Variants in BRINP1 observed in about 807,000 individuals in gnomAD.
BRINP1 encodes the protein BMP/retinoic acid-inducible neural-specific protein 1.
A neutral mutation model predicts 72.9 loss-of-function variants in BRINP1; 17 were observed. The ratio of observed to expected loss-of-function variants is 0.23; its 90% CI spans 0.16 to 0.35. The LOEUF is 0.35. Among genes scored for constraint, BRINP1 ranks in the 10% least tolerant of loss-of-function variants. The pLI is 1.00. For synonymous variants in BRINP1, 418 were observed against 378.5 expected, an observed-to-expected ratio of 1.10 and a Z score of -1.21; for missense variants, 850 against 1,001.6, an observed-to-expected ratio of 0.85 and a Z score of 2.04.
intron 7 of BRINP1, among the ~76,000 whole-genome samples, chr9:119,194,862 T>C (rs776282828): frequency 1.4e-4 from 21 of 152,278 alleles, no homozygotes; most frequent in South Asian, 6.2e-4. Context: ...AGCTATACCA[T>C]ACCTAAACTC....
At chr9:119,294,441 C>T (rs1361413484) in intron 2 of BRINP1, among the ~76,000 whole-genome samples, 2 of 152,066 alleles carry the variant, frequency 1.3e-5, no homozygotes, top group African/African-American at 2.4e-5. Context: ...GCAGGAGAAT[C>T]GCTTGAAGCT....
At position 119,313,260 on chromosome 9, in the gene BRINP1, T is replaced by G. The variant is rs1831087597; in HGVS notation, c.96A>C (p.Gln32His). The G allele has an allele frequency of 1.9e-6, 3 of 1,614,068 alleles. No homozygotes were observed. In the South Asian group the frequency reaches 3.3e-5, roughly 18 times the overall value. ...PSHQEPAGTD[Q>H]HVSKEFDWLI... ...GCCAATCAAATTCCTTGGAGACATG[T>G]TGGTCTGTCCCAGCTGGTTCCTGGT... The change falls in exon 2 of 8, where the codon CAA becomes CAC. Residue 32 changes from glutamine to histidine, a missense_variant. Coordinates refer to ENST00000265922, the MANE Select transcript of BRINP1 (RefSeq NM_014618.3).
At chr9:119,270,296 AG>A (rs1401675239) in intron 2 of BRINP1, among the ~76,000 whole-genome samples, 5 of 152,236 alleles carry the variant, frequency 3.3e-5, no homozygotes, top group Non-Finnish European at 7.3e-5. Flanking sequence ...AGCCATTTGC[AG>A]GGCATTTAGT....
intron 2 of BRINP1, among the ~76,000 whole-genome samples, chr9:119,286,516 G>C (rs1266771778): frequency 1.3e-5 from 2 of 152,216 alleles, no homozygotes; most frequent in Non-Finnish European, 2.9e-5. Flanking sequence ...TTAAAGGCGT[G>C]AGCCACTGCG....
chr9:119,218,550 G>A (rs1830004959), intron 5 of BRINP1, among the ~76,000 whole-genome samples: 1 of 151,962 alleles, frequency 6.6e-6, no homozygotes, highest in Non-Finnish European at 1.5e-5. Context: ...GCCTCACGAG[G>A]CTTCTGAGGT....
At chr9:119,293,992 TATG>T (rs1383581065) in intron 2 of BRINP1, among the ~76,000 whole-genome samples, 1 of 152,160 alleles carries the variant, frequency 6.6e-6, no homozygotes, top group Non-Finnish European at 1.5e-5. Flanking sequence ...TTGCAGATGA[TATG>T]ATGATCATAT....
chr9:119,242,773 A>C (rs1830267676), intron 3 of BRINP1, among the ~76,000 whole-genome samples: 1 of 152,224 alleles, frequency 6.6e-6, no homozygotes. Context: ...GACATGTTTA[A>C]ATAAATTTAG....
intron 3 of BRINP1, among the ~76,000 whole-genome samples, chr9:119,246,770 T>A (rs572986098): frequency 2.8e-4 from 42 of 152,292 alleles, no homozygotes; most frequent in Non-Finnish European, 4.6e-4. Context: ...CATAAGTGAA[T>A]GAATGAAGTG....
At chr9:119,350,744 A>G (rs1399297966) in intron 1 of BRINP1, among the ~76,000 whole-genome samples, 1 of 152,188 alleles carries the variant, frequency 6.6e-6, no homozygotes, top group Non-Finnish European at 1.5e-5. Flanking sequence ...GGCCGGCTCA[A>G]TTCTAACAGT....
In BRINP1 at chr9:119,342,556, T is replaced by C. The variant is rs535198555; in HGVS notation, c.-51+26500A>G. ...CAATTACCTTCTGACTATTACCTCA[T>C]CTGCCTAAGCCTCCATTTATGTCTC... On this transcript the variant is annotated intron_variant, in intron 1 of 7. Transcript: ENST00000265922. Among the ~76,000 whole-genome samples, 10 of 152,352 alleles carry C rather than the reference T, an allele frequency of 6.6e-5. No individual in the cohort carries two copies. The South Asian group carries it at 1.9e-3, about 28-fold the overall frequency.
chr9:119,255,614 A>G (rs1188508298), intron 2 of BRINP1, among the ~76,000 whole-genome samples: 2 of 152,136 alleles, frequency 1.3e-5, no homozygotes, highest in African/African-American at 4.8e-5. Context: ...AAATACACAT[A>G]GGTACACTCA....
chr9:119,264,960 C>T (rs550985812), intron 2 of BRINP1, among the ~76,000 whole-genome samples: 12 of 152,276 alleles, frequency 7.9e-5, no homozygotes, highest in African/African-American at 2.2e-4. Flanking sequence ...CGTGAGCCAC[C>T]GCACCCAGCC....
intron 7 of BRINP1, among the ~76,000 whole-genome samples, chr9:119,178,425 TTG>T (rs370286031): frequency 1.3e-5 from 2 of 152,126 alleles, no homozygotes; most frequent in African/African-American, 4.8e-5. Context: ...ATTTCATTGT[TTG>T]TGTGTGTGTG....
At chr9:119,280,317 C>T (rs1355657803) in intron 2 of BRINP1, among the ~76,000 whole-genome samples, 1 of 151,700 alleles carries the variant, frequency 6.6e-6, no homozygotes, top group Non-Finnish European at 1.5e-5. Flanking sequence ...CGGCTCACTG[C>T]AAGCTCCCTC....
At chr9:119,306,142 G>A (rs1830995553) in intron 2 of BRINP1, among the ~76,000 whole-genome samples, 1 of 152,168 alleles carries the variant, frequency 6.6e-6, no homozygotes, top group African/African-American at 2.4e-5. Context: ...ACAAAAGCTG[G>A]ACAATTGTTC....
At chr9:119,217,892 C>T (rs1829995904) in intron 5 of BRINP1, among the ~76,000 whole-genome samples, 1 of 151,982 alleles carries the variant, frequency 6.6e-6, no homozygotes. Flanking sequence ...ATTGTTCCTC[C>T]CATAATCTTT....
intron 1 of BRINP1, among the ~76,000 whole-genome samples, chr9:119,355,603 C>A (rs769146072): frequency 1.4e-4 from 21 of 151,906 alleles, no homozygotes; most frequent in Non-Finnish European, 2.4e-4. Context: ...GTGGTGGGTG[C>A]CTGTAGTCCC....
chr9:119,278,374 T>G (rs1379453931), intron 2 of BRINP1, among the ~76,000 whole-genome samples: 3 of 152,234 alleles, frequency 2.0e-5, no homozygotes, highest in Non-Finnish European at 4.4e-5. Flanking sequence ...CAGGGCCGCC[T>G]TGCTGACTGA....
chr9:119,288,152 C>G (rs1235814614), intron 2 of BRINP1, among the ~76,000 whole-genome samples: 1 of 152,154 alleles, frequency 6.6e-6, no homozygotes, highest in Non-Finnish European at 1.5e-5. Flanking sequence ...TATTTGCATG[C>G]AAAAGGATTC....
Sources: gnomAD v4.1 joint callset for allele counts (sites outside exome capture counted in the v4.1 genomes callset) on GRCh38, gnomAD v4.1.1 for gene constraint, MANE v1.5 for transcripts, NCBI Gene and HGNC (gene_info 2026-07-23, HGNC 2026-07-21) for gene names.